The following CHRM2 variants were observed in gnomAD, a reference collection of about 807,000 sequenced individuals.
The protein encoded by CHRM2 is cholinergic receptor muscarinic 2, also known as muscarinic acetylcholine receptor M2.
A neutral mutation model predicts 25.0 loss-of-function variants in CHRM2; 8 were observed. That is an observed-to-expected ratio of 0.32 (90% CI 0.19 to 0.58). The LOEUF is 0.58. Among genes scored for constraint, CHRM2 ranks in the 20% least tolerant of loss-of-function variants. The pLI, the probability that CHRM2 is intolerant of heterozygous loss-of-function variation, is 0.88. For synonymous variants in CHRM2, 202 were observed against 205.7 expected, an observed-to-expected ratio of 0.98 and a Z score of 0.15; for missense variants, 440 against 567.1, an observed-to-expected ratio of 0.78 and a Z score of 2.28.
At chr7:136,896,420 T>C (rs1204969494) in intron 2 of CHRM2, among the ~76,000 whole-genome samples, 1 of 152,116 alleles carries the variant, frequency 6.6e-6, no homozygotes, top group African/African-American at 2.4e-5. Flanking sequence ...TGGGGCGACA[T>C]TGTTTTCCTC....
intron 2 of CHRM2, among the ~76,000 whole-genome samples, chr7:136,916,644 C>T (rs1023386226): frequency 1.3e-4 from 19 of 150,574 alleles, no homozygotes; most frequent in African/African-American, 3.4e-4. Flanking sequence ...TGTTTATTAA[C>T]GTTTCCTCAT....
At chr7:136,998,656 C>G (rs972734844) in intron 3 of CHRM2, among the ~76,000 whole-genome samples, 8 of 152,178 alleles carry the variant, frequency 5.3e-5, no homozygotes, top group African/African-American at 1.9e-4. Context: ...ATCACATGCA[C>G]ATGCCTTTTC....
chr7:137,008,817 T>C (rs1392277079), intron 3 of CHRM2, among the ~76,000 whole-genome samples: 1 of 152,080 alleles, frequency 6.6e-6, no homozygotes, highest in Non-Finnish European at 1.5e-5. Flanking sequence ...TCACTGGATT[T>C]CAGCTGTTAT....
chr7:137,014,401 A>G (rs1483474338), intron 3 of CHRM2, among the ~76,000 whole-genome samples: 1 of 152,012 alleles, frequency 6.6e-6, no homozygotes. Context: ...TTCTTCTATA[A>G]TTGTGTCCTC....
intron 2 of CHRM2, among the ~76,000 whole-genome samples, chr7:136,977,615 C>A (rs993245591): frequency 6.6e-6 from 1 of 152,166 alleles, no homozygotes; most frequent in Non-Finnish European, 1.5e-5. Flanking sequence ...TAAGCTACGA[C>A]TTGAATGGTC....
chr7:136,878,651 A>T (rs1796140697), intron 2 of CHRM2, among the ~76,000 whole-genome samples: 2 of 151,886 alleles, frequency 1.3e-5, no homozygotes, highest in African/African-American at 2.4e-5. Flanking sequence ...TTTAGAACCT[A>T]TGCCATTTCT....
chr7:136,925,425 T>C (rs1798686885), intron 2 of CHRM2, among the ~76,000 whole-genome samples: 1 of 152,230 alleles, frequency 6.6e-6, no homozygotes, highest in South Asian at 2.1e-4. Context: ...ATATACTTAA[T>C]ACTACAGAAC....
chr7:136,898,662 CA>C (rs1797035342), intron 2 of CHRM2: 1 of 151,932 alleles, frequency 6.6e-6, no homozygotes, highest in Admixed American at 6.6e-5. Flanking sequence ...AAGGACAAGC[CA>C]TATTCTGGTA....
At chr7:136,992,602 T>C (rs928909619) in intron 3 of CHRM2, among the ~76,000 whole-genome samples, 1 of 152,152 alleles carries the variant, frequency 6.6e-6, no homozygotes, top group Non-Finnish European at 1.5e-5. Flanking sequence ...TTTTTAAATT[T>C]TCAAAATCTT....
rs1353641490 is a variant in CHRM2 at position 137,015,947 on chromosome 7, T to G, written c.1082T>G (p.Val361Gly). 1 of 1,613,128 alleles carries G rather than the reference T, an allele frequency of 6.2e-7. No homozygotes were observed. The highest frequency in any genetic ancestry group is 8.5e-7 in the Non-Finnish European group (1 of 1,179,438). ...GQNGDEKQNI[V>G]ARKIVKMTKQ... Reference sequence around the variant, plus strand: ...AATGGAGATGAAAAGCAGAATATTGTAGCCCGCAAGATTGTGAAGATGACT... The same window carrying G: ...AATGGAGATGAAAAGCAGAATATTGGAGCCCGCAAGATTGTGAAGATGACT... The change falls in exon 4 of 4, where the codon GTA (valine) becomes GGA (glycine). Residue 361 changes from valine (V) to glycine (G), a missense_variant. By Grantham distance (109) the Val-to-Gly change is moderately radical. Coordinates refer to ENST00000680005, the MANE Select transcript of CHRM2 (RefSeq NM_001006630.2). The surrounding 1 kb of genome is among the most constrained non-coding windows in gnomAD (Gnocchi z 5.1).
At chr7:136,982,104 C>A (rs1802527413) in intron 2 of CHRM2, among the ~76,000 whole-genome samples, 1 of 152,168 alleles carries the variant, frequency 6.6e-6, no homozygotes, top group African/African-American at 2.4e-5. Flanking sequence ...TCTCTAAGAA[C>A]TTACTTTTTG....
At chr7:136,930,340 G>A (rs752387486) in intron 2 of CHRM2, among the ~76,000 whole-genome samples, 6 of 151,994 alleles carry the variant, frequency 3.9e-5, no homozygotes, top group Non-Finnish European at 7.4e-5. Flanking sequence ...GGAGGCTGAG[G>A]CCAACAATAA....
intron 2 of CHRM2, among the ~76,000 whole-genome samples, chr7:136,913,313 T>G (rs1312773289): frequency 2.6e-5 from 4 of 151,898 alleles, no homozygotes; most frequent in African/African-American, 7.2e-5. Flanking sequence ...TTATTCAAGG[T>G]GGCAAAATAC....
At chr7:136,941,134 T>A (rs994443612) in intron 2 of CHRM2, among the ~76,000 whole-genome samples, 8 of 152,194 alleles carry the variant, frequency 5.3e-5, no homozygotes, top group Admixed American at 3.9e-4. Context: ...GTACAATTCA[T>A]CCTGCATCCT....
At position 137,017,598 on chromosome 7, in the gene CHRM2, A is replaced by T. The variant is rs1257550007; in HGVS notation, c.*1332A>T. Reference sequence around the variant, plus strand: ...TAAAAACTATTACTGAAACAATTACATATTCCATATTCCTCAAATTGTCAA... The same window carrying T: ...TAAAAACTATTACTGAAACAATTACTTATTCCATATTCCTCAAATTGTCAA... On this transcript the variant is annotated 3_prime_UTR_variant, in exon 4 of 4. Transcript: ENST00000680005. The T allele has an allele frequency of 3.0e-4, 45 of 152,014 alleles. 1 individual carries two copies. 9.4% of individuals were successfully genotyped at this position (152,014 alleles called of 1,614,324 possible).
At chr7:137,008,969 T>C (rs1182924608) in intron 3 of CHRM2, among the ~76,000 whole-genome samples, 1 of 152,108 alleles carries the variant, frequency 6.6e-6, no homozygotes, top group African/African-American at 2.4e-5. Context: ...TCACAGCACT[T>C]GCTGGGTCTG....
chr7:136,870,740 C>A (rs1259159441), intron 2 of CHRM2: 1 of 152,206 alleles, frequency 6.6e-6, no homozygotes, highest in African/African-American at 2.4e-5. Context: ...TCACCCAGGC[C>A]GCCCTCCCGC....
intron 2 of CHRM2, among the ~76,000 whole-genome samples, chr7:136,955,315 G>A (rs930206235): frequency 5.9e-5 from 9 of 152,100 alleles, no homozygotes; most frequent in African/African-American, 2.2e-4. Context: ...AATGTTATGA[G>A]TGAAAATGGC....
chr7:136,889,607 T>C (rs1330879221), intron 2 of CHRM2, among the ~76,000 whole-genome samples: 1 of 152,196 alleles, frequency 6.6e-6, no homozygotes, highest in Non-Finnish European at 1.5e-5. Context: ...ATTTCTAAAA[T>C]GTGTAATACC....
Sources: allele counts gnomAD v4.1 joint callset (sites outside exome capture counted in the v4.1 genomes callset), GRCh38; gene constraint gnomAD v4.1.1; non-coding constraint Gnocchi (gnomAD v3.1); transcripts MANE v1.5; gene names NCBI Gene and HGNC (gene_info 2026-07-23, HGNC 2026-07-21).